The following PXDN variants were observed in gnomAD, a reference collection of about 807,000 sequenced individuals.
The protein encoded by PXDN is peroxidasin homolog.
Under a neutral mutation model 140.3 loss-of-function variants are expected in PXDN, and 77 were observed. The observed-to-expected ratio is 0.55, with a 90% CI of 0.46 to 0.66. The LOEUF (loss-of-function observed/expected upper bound fraction) is 0.66, where lower values mean the gene tolerates loss of function less well. Among genes scored for constraint, PXDN ranks in the 30% least tolerant of loss-of-function variants. The pLI, the probability that PXDN is intolerant of heterozygous loss-of-function variation, is 0.00. For synonymous variants in PXDN, 911 were observed against 857.4 expected (o/e 1.06, Z -1.09); for missense variants, 1,838 against 2,039.5 (o/e 0.90, Z 1.90).
At chr2:1,673,518 G>T in intron 9 of PXDN, 125 bp downstream of exon 9, 1 of 1,298,706 alleles carries the variant, frequency 7.7e-7, no homozygotes, top group Non-Finnish European at 1.1e-6. Context: ...GCCAACCCTG[G>T]TACTGGAGCT....
At position 1,726,028 on chromosome 2, in the gene PXDN, C is replaced by T. The variant is rs937175761; in HGVS notation, c.200+18228G>A. 1.8e-3 allele frequency among the ~76,000 whole-genome samples: 274 copies of T among 151,484 alleles called. 1 individual carries two copies. The highest frequency in any genetic ancestry group is 3.5e-3 in the Non-Finnish European group (238 of 67,934). ...TGTGGAAGTCAGTGTGGCCATTCCTCAGGGATCTAGAACTAGAAATACCAT... is the reference window on the plus strand; with the variant it reads ...TGTGGAAGTCAGTGTGGCCATTCCTTAGGGATCTAGAACTAGAAATACCAT... On this transcript the variant is annotated intron_variant, in intron 1 of 22. Transcript: ENST00000252804.
intron 14 of PXDN, among the ~76,000 whole-genome samples, chr2:1,658,261 G>A (rs563606007): frequency 9.4e-5 from 14 of 148,746 alleles, no homozygotes; most frequent in East Asian, 1.9e-4. Flanking sequence ...TTACACCATC[G>A]TCCTGACCTC....
intron 1 of PXDN, among the ~76,000 whole-genome samples, chr2:1,713,805 C>T (rs997650719): frequency 2.6e-5 from 4 of 152,258 alleles, no homozygotes; most frequent in Admixed American, 6.5e-5. Context: ...CAGCCTGCTG[C>T]AGAGCACTGC....
At chr2:1,679,073 C>T (rs949624156) in intron 7 of PXDN, among the ~76,000 whole-genome samples, 1 of 146,990 alleles carries the variant, frequency 6.8e-6, no homozygotes, top group African/African-American at 2.6e-5. Context: ...AATAAACAGC[C>T]GTGTATGTGC....
At chr2:1,716,437 C>CAGGAAAAAAAAAAA (rs1684895413) in intron 1 of PXDN, among the ~76,000 whole-genome samples, 1 of 70,506 alleles carries the variant, frequency 1.4e-5, no homozygotes, top group Non-Finnish European at 2.4e-5. Flanking sequence ...GACTCCATCT[C>CAGGAAAAAAAAAAA]AGGAAAAAAA....
chr2:1,683,702 G>A lies in PXDN; in HGVS notation c.514C>T (p.His172Tyr). Residue 172 changes from histidine to tyrosine, a missense_variant, in exon 6 of 23, where the codon CAT (histidine) becomes TAT (tyrosine). Coordinates refer to ENST00000252804, the MANE Select transcript of PXDN (RefSeq NM_012293.3). ...RLFLHNNRIT[H>Y]LVPGTFNHLE... ...TGATTAAATGTCCCTGGAACTAAAT[G>A]TGTAATCCGGTTGTTATGCAAAAAT... is the stretch of plus-strand genomic sequence containing the variant. 1 of 1,606,610 alleles carries A rather than the reference G, an allele frequency of 6.2e-7. No homozygotes were observed.
chr2:1,721,526 G>C (rs1685051069), intron 1 of PXDN, among the ~76,000 whole-genome samples: 1 of 152,222 alleles, frequency 6.6e-6, no homozygotes. Context: ...ATTGAGTTTT[G>C]CTTGTTGCTT....
chr2:1,689,809 T>C (rs1388208322), intron 3 of PXDN, among the ~76,000 whole-genome samples: 1 of 151,420 alleles, frequency 6.6e-6, no homozygotes, highest in Non-Finnish European at 1.5e-5. Flanking sequence ...AGGGTGAGTA[T>C]TGACCATAAT....
chr2:1,676,663 G>A (rs1572150099), intron 8 of PXDN: 1 of 518,542 alleles, frequency 1.9e-6, no homozygotes, highest in Non-Finnish European at 3.5e-6. Flanking sequence ...ACCGGGAAGG[G>A]CCGCAGTGAC....
chr2:1,724,158 G>A (rs4853843), intron 1 of PXDN, among the ~76,000 whole-genome samples: 102,846 of 152,038 alleles, frequency 0.68, 35,662 homozygotes, highest in South Asian at 0.8. Flanking sequence ...ACAATTCTCA[G>A]TGAAGAAATC....
chr2:1,634,801 C>A (rs1012402074), intron 22 of PXDN, among the ~76,000 whole-genome samples: 2 of 152,212 alleles, frequency 1.3e-5, no homozygotes, highest in African/African-American at 4.8e-5. Context: ...CTCCCAATGG[C>A]CATGGCAAGA....
intron 1 of PXDN, among the ~76,000 whole-genome samples, chr2:1,722,757 G>T (rs892801331): frequency 3.3e-5 from 5 of 152,198 alleles, no homozygotes; most frequent in African/African-American, 9.7e-5. Flanking sequence ...AATATGGGAG[G>T]GGGGTACGAG....
At chr2:1,681,863 C>A (rs1450456351) in intron 6 of PXDN, among the ~76,000 whole-genome samples, 1 of 152,136 alleles carries the variant, frequency 6.6e-6, no homozygotes, top group Non-Finnish European at 1.5e-5. Flanking sequence ...CTCAGGGCAC[C>A]CAAGGAAGCA....
At chr2:1,738,332 G>A (rs1434974179) in intron 1 of PXDN, among the ~76,000 whole-genome samples, 1 of 152,146 alleles carries the variant, frequency 6.6e-6, no homozygotes, top group Non-Finnish European at 1.5e-5. Context: ...CTGAGTAGGA[G>A]CGGGGAAGAT....
chr2:1,659,944 G>C (rs1683263888), intron 14 of PXDN, among the ~76,000 whole-genome samples: 1 of 152,176 alleles, frequency 6.6e-6, no homozygotes, highest in Non-Finnish European at 1.5e-5. Flanking sequence ...GAGTGGAAAA[G>C]GCAAAAATAG....
intron 1 of PXDN, among the ~76,000 whole-genome samples, chr2:1,699,762 C>T (rs115957198): frequency 0.017 from 2,556 of 152,210 alleles, 62 homozygotes; most frequent in African/African-American, 0.054. Flanking sequence ...TGCCAATTTG[C>T]CAACAAATTC....
chr2:1,726,543 A>G (rs950608322), intron 1 of PXDN, among the ~76,000 whole-genome samples: 24 of 152,108 alleles, frequency 1.6e-4, no homozygotes, highest in African/African-American at 5.1e-4. Flanking sequence ...ACTAACCTGC[A>G]CATTGTGCAC....
At chr2:1,727,160 G>A (rs1189167839) in intron 1 of PXDN, among the ~76,000 whole-genome samples, 1 of 152,092 alleles carries the variant, frequency 6.6e-6, no homozygotes, top group African/African-American at 2.4e-5. Flanking sequence ...TCAAGTAACC[G>A]CTGACGCTGA....
chr2:1,706,842 C>T (rs112923282), intron 1 of PXDN, among the ~76,000 whole-genome samples: 9 of 136,620 alleles, frequency 6.6e-5, no homozygotes, highest in Non-Finnish European at 4.6e-5. Context: ...TCCGAGAGCA[C>T]GCTTCACTGT....
Sources: allele counts gnomAD v4.1 joint callset (sites outside exome capture counted in the v4.1 genomes callset), GRCh38; gene constraint gnomAD v4.1.1; transcripts MANE v1.5; gene names NCBI Gene and HGNC (gene_info 2026-07-23, HGNC 2026-07-21).